The following HACL1 variants were observed in gnomAD, a reference collection of about 807,000 sequenced individuals.
The protein encoded by HACL1 is 1600020H07Rik.
In HACL1, 64 loss-of-function variants were observed where a neutral mutation model predicts 74.2. That is an observed-to-expected ratio of 0.86 (90% CI 0.70 to 1.06). HACL1 has a LOEUF of 1.06. Among genes scored for constraint, HACL1 ranks in the 50% least tolerant of loss-of-function variants. The pLI, the probability that HACL1 is intolerant of heterozygous loss-of-function variation, is 0.00. For synonymous variants in HACL1, 230 were observed against 238.8 expected (o/e 0.96, Z 0.34); for missense variants, 728 against 719.7 (o/e 1.01, Z -0.13).
intron 15 of HACL1, among the ~76,000 whole-genome samples, chr3:15,563,936 C>A (rs1052655651): frequency 5.3e-5 from 8 of 152,158 alleles, no homozygotes; most frequent in Middle Eastern, 3.4e-3. Flanking sequence ...ACAGCACAGG[C>A]TACATTATCA....
chr3:15,586,882 A>G (rs1316037334), intron 5 of HACL1, among the ~76,000 whole-genome samples: 1 of 152,178 alleles, frequency 6.6e-6, no homozygotes, highest in African/African-American at 2.4e-5. Flanking sequence ...AGGCACTTCT[A>G]TAAACTGCTG....
chr3:15,564,576 A>G lies in HACL1; in HGVS notation c.1492T>C (p.Leu498=), dbSNP rs1352207734. Residue 498 remains leucine (L), a synonymous_variant, in exon 15 of 17, where the codon TTA becomes CTA. Coordinates refer to ENST00000321169, the MANE Select transcript of HACL1 (RefSeq NM_012260.4). Reference sequence around the variant, plus strand: ...ACTGCAGTAGCATCTTGAAATTTTAACATTTCTTTCCAAGTATCTGTATCA... The same window carrying G: ...ACTGCAGTAGCATCTTGAAATTTTAGCATTTCTTTCCAAGTATCTGTATCA... ...GFDTDTWKEM[L]KFQDATAVVP... 1.3e-6 allele frequency: 2 copies of G among 1,516,206 alleles called. No homozygotes were observed. Among genetic ancestry groups the G allele is most frequent in the Admixed American group, 1.7e-5 (1 of 58,086 alleles). 93.9% of individuals were successfully genotyped at this position (1,516,206 alleles called of 1,614,324 possible).
intron 2 of HACL1, among the ~76,000 whole-genome samples, chr3:15,598,355 T>C (rs1414559305): frequency 6.6e-6 from 1 of 152,196 alleles, no homozygotes; most frequent in Admixed American, 6.5e-5. Flanking sequence ...GATCTGTTCC[T>C]CTACTAAACT....
chr3:15,594,482 T>A (rs1414265855), intron 3 of HACL1, among the ~76,000 whole-genome samples: 5 of 152,198 alleles, frequency 3.3e-5, no homozygotes, highest in Non-Finnish European at 7.3e-5. Flanking sequence ...AAAAGGTATC[T>A]CAATATAATT....
intron 6 of HACL1, 62 bp downstream of exon 6, chr3:15,586,463 A>T: frequency 1.2e-6 from 1 of 842,198 alleles, no homozygotes; most frequent in Non-Finnish European, 2.0e-6. Flanking sequence ...TAAAAATAAC[A>T]GTAAGTATGA....
Position 15,596,401 on chromosome 3 carries a change from A to G in HACL1, c.210T>C (p.Ile70=). The change falls in exon 3 of 17, where the codon ATT becomes ATC. Residue 70 remains isoleucine (I), a synonymous_variant. Transcript: ENST00000321169. ...TAGTTTACCTGCTTGTCAGATATCC[A>G]ATCGCGGAGGCAGCATAACAAGCCT... ...EQAACYAASA[I]GYLTSRPGVC... The G allele has an allele frequency of 6.3e-7, 1 of 1,597,298 alleles. No individual in the cohort carries two copies. Among genetic ancestry groups the G allele is most frequent in the Non-Finnish European group, 8.6e-7 (1 of 1,164,744 alleles).
chr3:15,591,504 C>T, intron 4 of HACL1, 96 bp downstream of exon 4: 4 of 620,710 alleles, frequency 6.4e-6, no homozygotes, highest in Non-Finnish European at 1.1e-5. Context: ...TTTTTTTTTC[C>T]AAGTCTTTCT....
chr3:15,564,461 T>C (rs1172942509), intron 15 of HACL1, 90 bp downstream of exon 15: 7 of 683,448 alleles, frequency 1.0e-5, no homozygotes, highest in Admixed American at 2.5e-5. Flanking sequence ...TCATACCATG[T>C]AGGCACATTA....
At chr3:15,563,624 T>G in intron 15 of HACL1, 80 bp from the exon 16 acceptor site, 1 of 871,258 alleles carries the variant, frequency 1.1e-6, no homozygotes, top group Admixed American at 2.7e-5. Context: ...AATACTTCAT[T>G]AAAAAAATTT....
chr3:15,592,493 CATATACACTTGT>C lies in HACL1; in HGVS notation c.228-825_228-814del, dbSNP rs1453225617. ...ACACACGTATACATACACTTGTATA[CATATACACTTGT>C]ATATACACTTGTATACATATACACA... On this transcript the variant is annotated intron_variant, in intron 3 of 16. Transcript: ENST00000321169. Among the ~76,000 whole-genome samples, 410 of 135,496 alleles carry C rather than the reference CATATACACTTGT, an allele frequency of 3.0e-3. 1 individual carries two copies. The highest frequency in any genetic ancestry group is 0.012 in the African/African-American group (369 of 31,212). The allele number at this position is 135,496 out of a possible 152,430, so 88.9% of individuals were successfully genotyped here.
At chr3:15,579,584 T>C (rs990535754) in intron 9 of HACL1, among the ~76,000 whole-genome samples, 11 of 152,174 alleles carry the variant, frequency 7.2e-5, no homozygotes, top group African/African-American at 2.4e-4. Context: ...TAAATTTAAA[T>C]ATTCAAGATT....
chr3:15,587,074 C>T (rs116704253), intron 5 of HACL1, among the ~76,000 whole-genome samples: 26 of 152,078 alleles, frequency 1.7e-4, no homozygotes, highest in Admixed American at 3.9e-4. Flanking sequence ...TATGGTGTTT[C>T]GAATATATGA....
intron 2 of HACL1, among the ~76,000 whole-genome samples, chr3:15,599,816 G>A (rs1209334973): frequency 1.3e-5 from 2 of 152,174 alleles, no homozygotes; most frequent in Admixed American, 1.3e-4. Flanking sequence ...TCTCCTACAG[G>A]TTATGTAGCA....
intron 9 of HACL1, among the ~76,000 whole-genome samples, chr3:15,576,014 GTT>G (rs1559552354): frequency 0.5 from 357 of 720 alleles, 10 homozygotes; most frequent in Non-Finnish European, 0.51. Flanking sequence ...AAATTAGCTG[GTT>G]GTGGTGGTGC....
Position 15,596,376 on chromosome 3 carries a change from T to C in HACL1, c.227+8A>G. 6.5e-7 allele frequency: 1 copy of C among 1,542,702 alleles called. No homozygotes were observed. The highest frequency in any genetic ancestry group is 2.2e-5 in the East Asian group (1 of 44,514). ...AAAGTAATTGAAGTGAAACAAATTT[T>C]AGTTTACCTGCTTGTCAGATATCCA... On this transcript the variant is annotated splice_region_variant and intron_variant, in intron 3 of 16. Transcript: ENST00000321169.
At chr3:15,575,103 A>C (rs2063600410) in intron 9 of HACL1, 21 bp from the exon 10 acceptor site, 1 of 1,113,912 alleles carries the variant, frequency 9.0e-7, no homozygotes, top group Non-Finnish European at 1.4e-6. Context: ...AATTGATATG[A>C]AAGTATAACT....
intron 7 of HACL1, among the ~76,000 whole-genome samples, chr3:15,584,075 T>C (rs2063754257): frequency 6.6e-6 from 1 of 152,218 alleles, no homozygotes; most frequent in African/African-American, 2.4e-5. Context: ...TGCTATTTCA[T>C]TTATTCTAAT....
At chr3:15,581,181 C>T (rs550961063) in intron 8 of HACL1, among the ~76,000 whole-genome samples, 4 of 152,318 alleles carry the variant, frequency 2.6e-5, no homozygotes, top group East Asian at 3.9e-4. Flanking sequence ...GGATTACAGG[C>T]GTGAGCCACC....
In HACL1 at chr3:15,601,452, A is replaced by C. The variant is rs748600989; in HGVS notation, c.12T>G (p.Ser4Arg). The change falls in exon 1 of 17, where the codon AGT (serine) becomes AGG (arginine). Residue 4 changes from serine to arginine, a missense_variant. Transcript: ENST00000321169. ...GCTCCTCGCTGCGCTCTGCGAAGTT[A>C]CTGTCCGGCATCTTCCACCGAAAAG... The part of the protein sequence containing the change: MPD[S>R]NFAERSEEQV... 10 of 1,613,320 alleles carry C rather than the reference A, an allele frequency of 6.2e-6. No individual in the cohort carries two copies. In the Admixed American group the frequency reaches 1.7e-4, roughly 27 times the overall value.
Sources: gnomAD v4.1 joint callset for allele counts (sites outside exome capture counted in the v4.1 genomes callset) on GRCh38, gnomAD v4.1.1 for gene constraint, MANE v1.5 for transcripts, NCBI Gene and HGNC (gene_info 2026-07-23, HGNC 2026-07-21) for gene names.